KAZN: variants seen among roughly 807,000 people sequenced by gnomAD.
KAZN encodes the protein kazrin, periplakin interacting protein.
A neutral mutation model predicts 87.4 loss-of-function variants in KAZN; 40 were observed. That is an observed-to-expected ratio of 0.46 (90% CI 0.36 to 0.60). The LOEUF (loss-of-function observed/expected upper bound fraction) is 0.60, where lower values mean the gene tolerates loss of function less well. Ranked by LOEUF, KAZN falls within the 20% of genes least tolerant of loss-of-function variation. The probability of loss-of-function intolerance (pLI) is 0.00; values close to 1 mark genes in which losing one functional copy is unlikely to be tolerated. For synonymous variants in KAZN, 466 were observed against 458.3 expected (o/e 1.02, Z -0.22); for missense variants, 898 against 1,073.9 (o/e 0.84, Z 2.29).
chr1:14,332,441 G>A (rs1451589540), intron 2 of KAZN, among the ~76,000 whole-genome samples: 1 of 152,178 alleles, frequency 6.6e-6, no homozygotes, highest in Non-Finnish European at 1.5e-5. Flanking sequence ...CCAAGCGCAC[G>A]ATGGCCTCAG....
At chr1:14,419,415 T>C (rs1294257329) in intron 2 of KAZN, among the ~76,000 whole-genome samples, 2 of 152,074 alleles carry the variant, frequency 1.3e-5, no homozygotes, top group Non-Finnish European at 2.9e-5. Context: ...CCCATTCCCT[T>C]GTCACAGAAC....
intron 1 of KAZN, among the ~76,000 whole-genome samples, chr1:14,720,549 C>G (rs1643040275): frequency 6.6e-6 from 1 of 151,402 alleles, no homozygotes; most frequent in African/African-American, 2.4e-5. Context: ...TCTGACAAAC[C>G]ATCTTCTGTC....
At chr1:14,056,576 C>G (rs937678776) in intron 1 of KAZN, among the ~76,000 whole-genome samples, 7 of 152,190 alleles carry the variant, frequency 4.6e-5, no homozygotes, top group African/African-American at 1.4e-4. Flanking sequence ...TGCTTTAAGC[C>G]ACAAAGTTTG....
chr1:14,871,692 C>T (rs1351499692), intron 1 of KAZN, among the ~76,000 whole-genome samples: 1 of 108,032 alleles, frequency 9.3e-6, no homozygotes, highest in East Asian at 3.6e-4. Context: ...GCACCTGCAT[C>T]TCTGTGTCTT....
At chr1:14,598,038 C>T (rs1310119137), upstream of KAZN, among the ~76,000 whole-genome samples, 1 of 152,234 alleles carries the variant, frequency 6.6e-6, no homozygotes, top group Admixed American at 6.5e-5. The surrounding 1 kb of genome is among the most constrained non-coding windows in gnomAD (Gnocchi z 4.2). Context: ...AATATTCAGC[C>T]CGGCTAAGAA....
chr1:14,891,129 C>T (rs1654675668), intron 1 of KAZN, among the ~76,000 whole-genome samples: 1 of 152,126 alleles, frequency 6.6e-6, no homozygotes, highest in Admixed American at 6.5e-5. Context: ...CAGGTGTGAG[C>T]CACCGCGCCT....
chr1:14,927,807 T>A (rs1287792557), intron 1 of KAZN, among the ~76,000 whole-genome samples: 1 of 152,188 alleles, frequency 6.6e-6, no homozygotes, highest in African/African-American at 2.4e-5. Context: ...ATTACGATGA[T>A]CATTTGGGTT....
intron 2 of KAZN, among the ~76,000 whole-genome samples, chr1:14,251,566 C>T (rs4090310): frequency 0.014 from 2,161 of 149,844 alleles, 101 homozygotes; most frequent in Admixed American, 0.086. Context: ...CAGCTGCCAT[C>T]TGGGATGTCT....
intron 2 of KAZN, among the ~76,000 whole-genome samples, chr1:14,347,862 ATTTTTTTTCTTTTTTCTTTTTCTT>A (rs1333528764): frequency 6.8e-6 from 1 of 147,876 alleles, no homozygotes; most frequent in South Asian, 2.2e-4. Context: ...ATATACTACT[ATTTTTTTTCTTTTTTCTTTTTCTT>A]TTTTTTTTCT....
At chr1:14,225,022 T>G (rs1647212804) in intron 2 of KAZN, among the ~76,000 whole-genome samples, 1 of 152,032 alleles carries the variant, frequency 6.6e-6, no homozygotes, top group Admixed American at 6.6e-5. Flanking sequence ...CTACTCCTAT[T>G]CAACATAGTA....
At chr1:14,436,778 C>A (rs1377567730) in intron 2 of KAZN, among the ~76,000 whole-genome samples, 1 of 151,272 alleles carries the variant, frequency 6.6e-6, no homozygotes, top group Non-Finnish European at 1.5e-5. Context: ...AGTATTATTC[C>A]CATTTTACAG....
intron 13 of KAZN, among the ~76,000 whole-genome samples, chr1:15,109,791 G>GTGA (rs1381768596): frequency 3.6e-5 from 1 of 27,850 alleles, no homozygotes; most frequent in Non-Finnish European, 6.6e-5. Context: ...ATGTGTTTGT[G>GTGA]TGTATGTGTA....
chr1:14,702,387 T>A (rs1264251560), intron 1 of KAZN, among the ~76,000 whole-genome samples: 4 of 144,404 alleles, frequency 2.8e-5, no homozygotes, highest in African/African-American at 1.0e-4. Context: ...TGAAGAGGGT[T>A]TGTGGCTTTC....
At chr1:14,299,292 C>T (rs575124587) in intron 2 of KAZN, among the ~76,000 whole-genome samples, 38 of 152,262 alleles carry the variant, frequency 2.5e-4, no homozygotes, top group Non-Finnish European at 4.9e-4. Context: ...CACCTGAGCT[C>T]AGGAGTTCAA....
intron 2 of KAZN, among the ~76,000 whole-genome samples, chr1:14,580,475 CAAATAAATAAATAAATAAAT>C (rs34947660): frequency 0.011 from 1,581 of 144,410 alleles, 29 homozygotes; most frequent in African/African-American, 0.038. Flanking sequence ...AACTCTATCT[CAAATAAATAAATAAATAAAT>C]AAATAAATAA....
intron 2 of KAZN, among the ~76,000 whole-genome samples, chr1:14,226,617 C>T (rs538254218): frequency 1.3e-5 from 2 of 152,242 alleles, no homozygotes; most frequent in Middle Eastern, 6.8e-3. Flanking sequence ...TTCATCGCAG[C>T]ACTATTCAGA....
intron 1 of KAZN, among the ~76,000 whole-genome samples, chr1:14,128,098 C>T (rs2101724705): frequency 6.6e-6 from 1 of 152,162 alleles, no homozygotes; most frequent in African/African-American, 2.4e-5. Flanking sequence ...GTGAAGTGAG[C>T]CAGTGGGGCA....
intron 1 of KAZN, among the ~76,000 whole-genome samples, chr1:14,117,571 C>A (rs1026658097): frequency 2.0e-4 from 30 of 152,112 alleles, no homozygotes; most frequent in African/African-American, 6.8e-4. Flanking sequence ...CCTCCAAATA[C>A]CATTACACTG....
At chr1:14,454,035 A>G (rs905840757) in intron 2 of KAZN, among the ~76,000 whole-genome samples, 1 of 152,212 alleles carries the variant, frequency 6.6e-6, no homozygotes, top group Non-Finnish European at 1.5e-5. Flanking sequence ...TATATTTCAC[A>G]GGCAATGAGC....
Sources: allele counts gnomAD v4.1 joint callset (sites outside exome capture counted in the v4.1 genomes callset), GRCh38; gene constraint gnomAD v4.1.1; non-coding constraint Gnocchi (gnomAD v3.1); transcripts MANE v1.5; gene names NCBI Gene and HGNC (gene_info 2026-07-23, HGNC 2026-07-21).